The following WDR70 variants were observed in gnomAD, a reference collection of about 807,000 sequenced individuals.
WDR70 encodes WD repeat-containing protein 70.
In WDR70, 53 loss-of-function variants were observed where a neutral mutation model predicts 88.6. The ratio of observed to expected loss-of-function variants is 0.60; its 90% CI spans 0.48 to 0.75. WDR70 has a LOEUF of 0.75. Ranked by LOEUF, WDR70 falls within the 30% of genes least tolerant of loss-of-function variation. The pLI is 0.00. For missense variants in WDR70, 610 were observed against 823.2 expected, an observed-to-expected ratio of 0.74 and a Z score of 3.17; for synonymous variants, 280 against 270.0, an observed-to-expected ratio of 1.04 and a Z score of -0.36.
Position 37,752,577 on chromosome 5 carries a change from A to C in WDR70, c.*4A>C. On this transcript the variant is annotated 3_prime_UTR_variant, in exon 18 of 18. Transcript: ENST00000265107. ...ATGGAAAAAACGTAAAATTTGAAGA[A>C]TCTCATTTGAGAGCTGTTTGCATGA... 6.2e-7 allele frequency: 1 copy of C among 1,608,180 alleles called. No individual in the cohort carries two copies.
chr5:37,636,220 TC>T (rs1225058312), intron 10 of WDR70, among the ~76,000 whole-genome samples: 1 of 120,192 alleles, frequency 8.3e-6, no homozygotes, highest in Non-Finnish European at 2.1e-5. Context: ...TATGACCGAA[TC>T]AGGGGCAAGT....
chr5:37,463,607 A>T (rs571048355), intron 7 of WDR70, among the ~76,000 whole-genome samples: 1 of 152,322 alleles, frequency 6.6e-6, no homozygotes, highest in African/African-American at 2.4e-5. Flanking sequence ...AATGTCACTA[A>T]GCCTTCCTCT....
At chr5:37,413,937 G>A (rs1749606820) in intron 5 of WDR70, among the ~76,000 whole-genome samples, 1 of 151,898 alleles carries the variant, frequency 6.6e-6, no homozygotes, top group African/African-American at 2.4e-5. Flanking sequence ...CCTGAGATTG[G>A]TAGTTCGAGA....
At chr5:37,525,552 A>G (rs910042170) in intron 9 of WDR70, among the ~76,000 whole-genome samples, 1 of 152,344 alleles carries the variant, frequency 6.6e-6, no homozygotes, top group Non-Finnish European at 1.5e-5. Context: ...TTGACACCCT[A>G]ACATTACAAT....
intron 7 of WDR70, among the ~76,000 whole-genome samples, chr5:37,475,675 CAGA>C (rs1166638261): frequency 6.6e-6 from 1 of 152,078 alleles, no homozygotes; most frequent in African/African-American, 2.4e-5. Context: ...CTTTTTTATG[CAGA>C]AGTTTTCTAT....
At chr5:37,633,412 G>A (rs1035303982) in intron 10 of WDR70, among the ~76,000 whole-genome samples, 2 of 151,618 alleles carry the variant, frequency 1.3e-5, no homozygotes, top group Non-Finnish European at 2.9e-5. Flanking sequence ...AGTGAGTCAA[G>A]ATTATAGAAA....
intron 9 of WDR70, among the ~76,000 whole-genome samples, chr5:37,534,309 TATTA>T (rs1242273052): frequency 6.6e-6 from 1 of 152,208 alleles, no homozygotes; most frequent in Non-Finnish European, 1.5e-5. Context: ...TATTTAACTG[TATTA>T]ATTCTCTAAA....
At chr5:37,701,030 C>G in intron 11 of WDR70, 28 bp from the exon 12 acceptor site, 1 of 1,457,796 alleles carries the variant, frequency 6.9e-7, no homozygotes, top group Non-Finnish European at 9.6e-7. Context: ...ACTTTTCTGT[C>G]TTTTTTTTCC....
intron 7 of WDR70, among the ~76,000 whole-genome samples, chr5:37,473,552 C>G (rs1739391968): frequency 6.6e-6 from 1 of 152,132 alleles, no homozygotes; most frequent in African/African-American, 2.4e-5. Context: ...CCATGTTAGC[C>G]AGGCTGGTCT....
At chr5:37,467,370 A>T (rs1284887230) in intron 7 of WDR70, among the ~76,000 whole-genome samples, 1 of 152,012 alleles carries the variant, frequency 6.6e-6, no homozygotes, top group African/African-American at 2.4e-5. Flanking sequence ...TTCTCTCAGT[A>T]TCCTCACATG....
chr5:37,642,474 A>G (rs980784483), intron 10 of WDR70, among the ~76,000 whole-genome samples: 1 of 152,204 alleles, frequency 6.6e-6, no homozygotes, highest in African/African-American at 2.4e-5. Context: ...ACAGGCATAT[A>G]ATGCGTAATA....
At chr5:37,679,799 C>T (rs1275946778) in intron 10 of WDR70, among the ~76,000 whole-genome samples, 1 of 152,228 alleles carries the variant, frequency 6.6e-6, no homozygotes, top group African/African-American at 2.4e-5. Context: ...GCAGAGCTTA[C>T]TCCTGTCTTT....
chr5:37,542,280 C>CTTT (rs765831095), intron 9 of WDR70, among the ~76,000 whole-genome samples: 1 of 144,314 alleles, frequency 6.9e-6, no homozygotes, highest in African/African-American at 2.6e-5. Flanking sequence ...TCTTCTTCTT[C>CTTT]TTTTTTTTTT....
intron 13 of WDR70, among the ~76,000 whole-genome samples, chr5:37,706,284 T>C (rs912695847): frequency 3.9e-5 from 6 of 152,232 alleles, no homozygotes; most frequent in Non-Finnish European, 7.3e-5. Context: ...CACCATACGA[T>C]GTTTGCACGC....
chr5:37,662,561 G>A (rs528311535), intron 10 of WDR70, among the ~76,000 whole-genome samples: 11 of 152,190 alleles, frequency 7.2e-5, no homozygotes, highest in Admixed American at 2.0e-4. Context: ...AGTTTGTTTC[G>A]TCATGTTACC....
intron 17 of WDR70, among the ~76,000 whole-genome samples, chr5:37,731,490 A>G (rs1363425346): frequency 3.3e-5 from 5 of 152,300 alleles, no homozygotes; most frequent in Middle Eastern, 3.4e-3. Flanking sequence ...TTATATGTGT[A>G]TAAACTAATC....
intron 5 of WDR70, among the ~76,000 whole-genome samples, chr5:37,425,539 G>T (rs1750098354): frequency 6.6e-6 from 1 of 152,202 alleles, no homozygotes. Flanking sequence ...CATGAAAAAA[G>T]CTCTTAGGTG....
intron 10 of WDR70, among the ~76,000 whole-genome samples, chr5:37,651,974 T>G (rs1745421554): frequency 6.6e-6 from 1 of 152,218 alleles, no homozygotes; most frequent in South Asian, 2.1e-4. Context: ...AAATCCCGTT[T>G]ATCAATTTTG....
At chr5:37,492,109 T>C (rs1689888467) in intron 8 of WDR70, among the ~76,000 whole-genome samples, 1 of 152,206 alleles carries the variant, frequency 6.6e-6, no homozygotes, top group South Asian at 2.1e-4. Flanking sequence ...GTACTCTGGT[T>C]ATATTCATTG....
Sources: allele counts gnomAD v4.1 joint callset (sites outside exome capture counted in the v4.1 genomes callset), GRCh38; gene constraint gnomAD v4.1.1; transcripts MANE v1.5; gene names NCBI Gene and HGNC (gene_info 2026-07-23, HGNC 2026-07-21).